Variants in DNAJB6 observed in about 807,000 individuals in gnomAD.
DNAJB6 encodes the protein dnaJ homolog subfamily B member 6.
DNAJB6 carries 16 observed loss-of-function variants against 42.7 expected under a neutral mutation model. The ratio of observed to expected loss-of-function variants is 0.37; its 90% CI spans 0.25 to 0.57. The LOEUF (loss-of-function observed/expected upper bound fraction) is 0.57, where lower values mean the gene tolerates loss of function less well. DNAJB6 is among the 20% of genes least tolerant of loss of function. The probability of loss-of-function intolerance (pLI) is 0.74; values close to 1 mark genes in which losing one functional copy is unlikely to be tolerated. For synonymous variants in DNAJB6, 170 were observed against 163.5 expected, an observed-to-expected ratio of 1.04 and a Z score of -0.30; for missense variants, 347 against 416.8, an observed-to-expected ratio of 0.83 and a Z score of 1.46.
At chr7:157,344,643 C>T (rs1798592659) in intron 1 of DNAJB6, among the ~76,000 whole-genome samples, 1 of 151,948 alleles carries the variant, frequency 6.6e-6, no homozygotes, top group African/African-American at 2.4e-5. Flanking sequence ...GTGACAGGGT[C>T]TTGCTCCGTT....
intron 1 of DNAJB6, among the ~76,000 whole-genome samples, chr7:157,349,450 A>G (rs551074305): frequency 6.6e-6 from 1 of 151,978 alleles, no homozygotes; most frequent in South Asian, 2.1e-4. Context: ...CCGTGACCCC[A>G]GGTTAGAAAA....
At chr7:157,392,075 C>T (rs531140331) in intron 8 of DNAJB6, among the ~76,000 whole-genome samples, 1 of 139,064 alleles carries the variant, frequency 7.2e-6, no homozygotes, top group African/African-American at 2.8e-5. Flanking sequence ...GCACTCCAAC[C>T]TGGGCAACAA....
chr7:157,382,618 G>T (rs551639267), intron 6 of DNAJB6: 164 of 293,024 alleles, frequency 5.6e-4, no homozygotes, highest in African/African-American at 3.3e-3. Context: ...AGGCCAGAAT[G>T]TAATGAAATT....
chr7:157,415,297 G>C (rs1010115436), intron 9 of DNAJB6: 70 of 152,290 alleles, frequency 4.6e-4, no homozygotes, highest in African/African-American at 1.6e-3. Flanking sequence ...CAGACGTTCA[G>C]AGGGTGGGCG....
intron 8 of DNAJB6, among the ~76,000 whole-genome samples, chr7:157,404,284 G>GTT (rs199978706): frequency 0.019 from 2,734 of 144,388 alleles, 77 homozygotes; most frequent in African/African-American, 0.062. Flanking sequence ...CTACTGTGCA[G>GTT]TTTTTTTTTT....
At chr7:157,395,971 G>A (rs1462403941) in intron 8 of DNAJB6, among the ~76,000 whole-genome samples, 1 of 133,224 alleles carries the variant, frequency 7.5e-6, no homozygotes, top group East Asian at 2.2e-4. Flanking sequence ...TTTTGGAGAC[G>A]TAGTCTTACT....
chr7:157,340,997 T>TGCAC (rs1554450152), intron 1 of DNAJB6, among the ~76,000 whole-genome samples: 2 of 118,298 alleles, frequency 1.7e-5, no homozygotes, highest in Non-Finnish European at 3.9e-5. Context: ...TGTGTGTGTG[T>TGCAC]GCGCGCGCGC....
intron 8 of DNAJB6, among the ~76,000 whole-genome samples, chr7:157,408,303 C>T (rs1409047384): frequency 6.6e-6 from 1 of 152,214 alleles, no homozygotes; most frequent in Non-Finnish European, 1.5e-5. Context: ...AATCACGTTT[C>T]TGTGTTCAAA....
intron 8 of DNAJB6, among the ~76,000 whole-genome samples, chr7:157,386,707 AC>A (rs541224228): frequency 6.8e-4 from 103 of 152,152 alleles, no homozygotes; most frequent in African/African-American, 2.3e-3. Context: ...AGATGGTGAA[AC>A]CCCTGTCTCT....
chr7:157,365,939 C>T (rs1799820235), intron 3 of DNAJB6, among the ~76,000 whole-genome samples: 2 of 150,206 alleles, frequency 1.3e-5, no homozygotes, highest in South Asian at 4.2e-4. Context: ...GCTGGGATTA[C>T]AGGTATGAGC....
At chr7:157,339,747 T>G (rs1255837801) in intron 1 of DNAJB6, 3 of 152,554 alleles carry the variant, frequency 2.0e-5, no homozygotes, top group Admixed American at 6.6e-5. Context: ...TGCCTCAGCC[T>G]CCCGAGTAGC....
At chr7:157,357,212 GTCCTTCCTTCCT>G (rs112834824) in intron 1 of DNAJB6, among the ~76,000 whole-genome samples, 3,949 of 61,794 alleles carry the variant, frequency 0.064, 541 homozygotes, top group Middle Eastern at 0.12. Context: ...TGATACTGTT[GTCCTTCCTTCCT>G]TCCTTCCTTC....
At chr7:157,395,174 C>T (rs1199885525) in intron 8 of DNAJB6, among the ~76,000 whole-genome samples, 1 of 152,098 alleles carries the variant, frequency 6.6e-6, no homozygotes, top group African/African-American at 2.4e-5. Flanking sequence ...ATTACCAGGG[C>T]TGGAAGCATA....
At chr7:157,361,232 C>T (rs112601914) in intron 2 of DNAJB6, among the ~76,000 whole-genome samples, 139 of 151,138 alleles carry the variant, frequency 9.2e-4, no homozygotes, top group African/African-American at 3.2e-3. Flanking sequence ...GATCTCGGCT[C>T]ACTGCAACCT....
chr7:157,386,850 C>G (rs970584107), intron 8 of DNAJB6, among the ~76,000 whole-genome samples: 1 of 151,184 alleles, frequency 6.6e-6, no homozygotes, highest in Admixed American at 6.6e-5. Context: ...TGCCATTGCA[C>G]TCCAGCCTGG....
chr7:157,370,436 T>C (rs1032940603), intron 5 of DNAJB6, among the ~76,000 whole-genome samples: 1 of 152,168 alleles, frequency 6.6e-6, no homozygotes, highest in East Asian at 1.9e-4. Flanking sequence ...ATTAAACAGG[T>C]CCTTTCTTAA....
chr7:157,364,931 T>A (rs1436725348), intron 3 of DNAJB6, among the ~76,000 whole-genome samples: 1 of 152,174 alleles, frequency 6.6e-6, no homozygotes, highest in Non-Finnish European at 1.5e-5. Flanking sequence ...GTTTTCCCAT[T>A]TTGTGGAATG....
chr7:157,387,139 C>G (rs1303988613), intron 8 of DNAJB6, among the ~76,000 whole-genome samples: 1 of 152,118 alleles, frequency 6.6e-6, no homozygotes, highest in Non-Finnish European at 1.5e-5. Flanking sequence ...CGGGATACGC[C>G]AGAGCCCTTA....
At position 157,402,679 on chromosome 7, in the gene DNAJB6, A is replaced by G. The variant is rs551591865; in HGVS notation, c.692-7116A>G. The stretch of plus-strand genomic sequence containing the variant: ...GATGTGTCTTGGGGACGTAGGCCCC[A>G]GTCATCCCAGGGGCCTACGGTGCAT... On this transcript the variant is annotated intron_variant, in intron 8 of 9. Coordinates refer to ENST00000262177, the MANE Select transcript of DNAJB6 (RefSeq NM_058246.4). Among the ~76,000 whole-genome samples the G allele has an allele frequency of 3.7e-4, 56 of 152,350 alleles. No individual in the cohort carries two copies. The South Asian group carries it at 0.011, about 31-fold the overall frequency.
Sources: allele counts gnomAD v4.1 joint callset (sites outside exome capture counted in the v4.1 genomes callset), GRCh38; gene constraint gnomAD v4.1.1; transcripts MANE v1.5; gene names NCBI Gene and HGNC (gene_info 2026-07-23, HGNC 2026-07-21).